PCDHB14: variants seen among roughly 807,000 people sequenced by gnomAD.
The protein encoded by PCDHB14 is protocadherin beta 14, also known as protocadherin beta-14.
For synonymous variants in PCDHB14, 511 were observed against 441.5 expected, an observed-to-expected ratio of 1.16 and a Z score of -1.97; for missense variants, 1,129 against 1,000.5, an observed-to-expected ratio of 1.13 and a Z score of -1.73.
In PCDHB14 at chr5:141,225,976, G is replaced by T. The variant is rs1420156272; in HGVS notation, c.*74G>T. 1.5e-6 allele frequency: 2 copies of T among 1,373,524 alleles called. No individual in the cohort carries two copies. Among genetic ancestry groups the T allele is most frequent in the Non-Finnish European group, 2.0e-6 (2 of 994,554 alleles). The allele number at this position is 1,373,524 out of a possible 1,614,324, so 85.1% of individuals were successfully genotyped here. A position where few individuals can be genotyped will look rare whatever the true frequency, so the allele number is the denominator to read the frequency against. On this transcript the variant is annotated 3_prime_UTR_variant, in exon 1 of 1. Transcript: ENST00000239449. Reference sequence around the variant, plus strand: ...TGGTACTTTTTGCATAATCTTTTGTGGATTCTTGGTTGTACTGTAGTTGCA... The same window carrying T: ...TGGTACTTTTTGCATAATCTTTTGTTGATTCTTGGTTGTACTGTAGTTGCA...
rs371097622 is a variant in PCDHB14 at position 141,224,173 on chromosome 5, C to T, written c.668C>T (p.Ser223Phe). 6.2e-7 allele frequency: 1 copy of T among 1,613,948 alleles called. No individual in the cohort carries two copies. Among genetic ancestry groups the T allele is most frequent in the Non-Finnish European group, 8.5e-7 (1 of 1,180,032 alleles). Residue 223 changes from serine (S) to phenylalanine (F), a missense_variant, in exon 1 of 1, where the codon TCT (serine) becomes TTT (phenylalanine). Coordinates refer to ENST00000239449, the MANE Select transcript of PCDHB14 (RefSeq NM_018934.4). ...TAVDGGSPPKSGTTLVLIKVL... is the reference protein window; with the variant it reads ...TAVDGGSPPKFGTTLVLIKVL... ...GTGGATGGTGGATCCCCGCCCAAGT[C>T]TGGGACAACTTTGGTTCTCATCAAG...
Position 141,227,152 on chromosome 5 carries a change from G to A in PCDHB14, c.*1250G>A, listed in dbSNP as rs1243677891. ...TGGCCTAGTTTTCTTTAAATACACC[G>A]TGTTTACTAGCTTAAATTTTGTGTT... is the stretch of plus-strand genomic sequence containing the variant. On this transcript the variant is annotated 3_prime_UTR_variant, in exon 1 of 1. Transcript: ENST00000239449. The A allele has an allele frequency of 2.6e-5, 4 of 152,180 alleles. No homozygotes were observed. The highest frequency in any genetic ancestry group is 1.9e-4 in the East Asian group (1 of 5,192). 9.4% of individuals were successfully genotyped at this position (152,180 alleles called of 1,614,324 possible).
At position 141,224,460 on chromosome 5, in the gene PCDHB14, A is replaced by G; in HGVS notation, c.955A>G (p.Ile319Val). Residue 319 changes from isoleucine (I) to valine (V), a missense_variant, in exon 1 of 1, where the codon ATT (isoleucine) becomes GTT (valine). Coordinates refer to ENST00000239449, the MANE Select transcript of PCDHB14 (RefSeq NM_018934.4). ...AGTAATACAGTCCTACACTATAAAT[A>G]TTCAGGCAACAGATGGTGGGGGTCT... ...FEVIQSYTIN[I>V]QATDGGGLSG... The G allele has an allele frequency of 6.2e-7, 1 of 1,612,170 alleles. No individual in the cohort carries two copies. The highest frequency in any genetic ancestry group is 8.5e-7 in the Non-Finnish European group (1 of 1,179,268).
Position 141,227,728 on chromosome 5 carries a change from T to C in PCDHB14, c.*1826T>C, listed in dbSNP as rs890122195. 6.6e-6 allele frequency: 1 copy of C among 152,148 alleles called. No individual in the cohort carries two copies. Among genetic ancestry groups the C allele is most frequent in the Non-Finnish European group, 1.5e-5 (1 of 68,004 alleles). 9.4% of individuals were successfully genotyped at this position (152,148 alleles called of 1,614,324 possible). On this transcript the variant is annotated 3_prime_UTR_variant, in exon 1 of 1. Coordinates refer to ENST00000239449, the MANE Select transcript of PCDHB14 (RefSeq NM_018934.4). ...TATTTGTTGTGTGGATTTCTTAAAA[T>C]TGACATTTAAACAATAAAATCCTGA...
At position 141,223,436 on chromosome 5, in the gene PCDHB14, A is replaced by C. The variant is rs782094253; in HGVS notation, c.-70A>C. 6.6e-6 allele frequency: 8 copies of C among 1,210,454 alleles called. No homozygotes were observed. Among genetic ancestry groups the C allele is most frequent in the Non-Finnish European group, 9.4e-6 (8 of 848,066 alleles). 75.0% of individuals were successfully genotyped at this position (1,210,454 alleles called of 1,614,324 possible). On this transcript the variant is annotated 5_prime_UTR_variant, in exon 1 of 1. Transcript: ENST00000239449. ...CACTCTCCAGGGGGTTCCTGTTAAA[A>C]ACCAGAGCTTCAGCTTCCAAAATTA...
rs1353917461 is a variant in PCDHB14 at position 141,224,854 on chromosome 5, C to T, written c.1349C>T (p.Thr450Ile). The T allele has an allele frequency of 8.7e-6, 14 of 1,613,704 alleles. No homozygotes were observed. Among genetic ancestry groups the T allele is most frequent in the African/African-American group, 4.0e-5 (3 of 74,910 alleles). Reference sequence around the variant, plus strand: ...TCTGACGTCAATGACAACGCCCCCACCTTCACCCAAACCTCCTACACCCTG... The same window carrying T: ...TCTGACGTCAATGACAACGCCCCCATCTTCACCCAAACCTCCTACACCCTG... ...LLSDVNDNAP[T>I]FTQTSYTLFV... is the part of the protein sequence containing the mutation. The change falls in exon 1 of 1, where the codon ACC becomes ATC. Residue 450 changes from threonine to isoleucine, a missense_variant. Physicochemically the swap from Thr to Ile is moderately conservative, Grantham distance 89. Transcript: ENST00000239449.
Position 141,225,081 on chromosome 5 carries a change from G to A in PCDHB14, c.1576G>A (p.Glu526Lys). 1.2e-6 allele frequency: 2 copies of A among 1,612,330 alleles called. No individual in the cohort carries two copies. The highest frequency in any genetic ancestry group is 1.1e-5 in the South Asian group (1 of 91,002). ...LRSLDYEALQ[E>K]FEFRVGATDR... Reference sequence around the variant, plus strand: ...GTCGCTGGACTACGAGGCCCTACAGGAGTTCGAGTTTCGCGTGGGCGCCAC... The same window carrying A: ...GTCGCTGGACTACGAGGCCCTACAGAAGTTCGAGTTTCGCGTGGGCGCCAC... Residue 526 changes from glutamate to lysine, a missense_variant, in exon 1 of 1, where the codon GAG becomes AAG. Physicochemically the swap from Glu to Lys is moderately conservative, Grantham distance 56. Coordinates refer to ENST00000239449, the MANE Select transcript of PCDHB14 (RefSeq NM_018934.4).
Position 141,226,800 on chromosome 5 carries a change from T to C in PCDHB14, c.*898T>C, listed in dbSNP as rs1179553172. On this transcript the variant is annotated 3_prime_UTR_variant, in exon 1 of 1. Transcript: ENST00000239449. The stretch of plus-strand genomic sequence containing the variant: ...TTTCCCAGTCTGGTCTGGAACTCCT[T>C]GGCTCAAGCGATCTGCCCGCCTTAG... 1 of 152,320 alleles carries C rather than the reference T, an allele frequency of 6.6e-6. No homozygotes were observed. Among genetic ancestry groups the C allele is most frequent in the East Asian group, 1.9e-4 (1 of 5,204 alleles). 9.4% of individuals were successfully genotyped at this position (152,320 alleles called of 1,614,324 possible). A position where few individuals can be genotyped will look rare whatever the true frequency, so the allele number is the denominator to read the frequency against.
rs1554289739 is a variant in PCDHB14 at position 141,227,558 on chromosome 5, A to G, written c.*1656A>G. 1 of 152,196 alleles carries G rather than the reference A, an allele frequency of 6.6e-6. No individual in the cohort carries two copies. Among genetic ancestry groups the G allele is most frequent in the East Asian group, 1.9e-4 (1 of 5,202 alleles). The allele number at this position is 152,196 out of a possible 1,614,324, so 9.4% of individuals were successfully genotyped here. A position where few individuals can be genotyped will look rare whatever the true frequency, so the allele number is the denominator to read the frequency against. ...TTTTGAAATTGCTCTTACAAGATTA[A>G]ATACTATTATAGACCAGATGATGTA... On this transcript the variant is annotated 3_prime_UTR_variant, in exon 1 of 1. Coordinates refer to ENST00000239449, the MANE Select transcript of PCDHB14 (RefSeq NM_018934.4).
rs1754811024 is a variant in PCDHB14, at chr5:141,224,991, C to T, written c.1486C>T (p.Arg496Trp). Residue 496 changes from arginine (R) to tryptophan (W), a missense_variant, in exon 1 of 1, where the codon CGG becomes TGG. Transcript: ENST00000239449. ...VNYSLLPPQD[R>W]HLPLASLVSI... ...CTACTCGCTGCTGCCGCCCCAGGACCGGCACCTGCCCCTCGCCTCCTTGGT... is the reference window on the plus strand; with the variant it reads ...CTACTCGCTGCTGCCGCCCCAGGACTGGCACCTGCCCCTCGCCTCCTTGGT... 2 of 1,612,620 alleles carry T rather than the reference C, an allele frequency of 1.2e-6. No individual in the cohort carries two copies. Among genetic ancestry groups the T allele is most frequent in the Non-Finnish European group, 1.7e-6 (2 of 1,180,042 alleles).
Position 141,224,477 on chromosome 5 carries a change from TG to T in PCDHB14, c.977del (p.Gly326ValfsTer9), listed in dbSNP as rs1351837342. ...CTATAAATATTCAGGCAACAGATGG[TG>T]GGGGTCTTTCAGGAAAATGCACCCT... ...YTINIQATDG[G>X]GLSGKCTLLV... On this transcript the variant is annotated frameshift_variant, in exon 1 of 1. Transcript: ENST00000239449. LOFTEE classifies it low-confidence loss of function (END_TRUNC). The T allele has an allele frequency of 1.2e-6, 2 of 1,613,190 alleles. No individual in the cohort carries two copies. Among genetic ancestry groups the T allele is most frequent in the Admixed American group, 1.7e-5 (1 of 59,860 alleles).
chr5:141,225,617 G>C lies in PCDHB14; in HGVS notation c.2112G>C (p.Ser704=), dbSNP rs782563810. 1.2e-6 allele frequency: 2 copies of C among 1,612,486 alleles called. No individual in the cohort carries two copies. The highest frequency in any genetic ancestry group is 1.7e-6 in the Non-Finnish European group (2 of 1,179,902). The change falls in exon 1 of 1, where the codon TCG becomes TCC. Residue 704 remains serine, a synonymous_variant. Coordinates refer to ENST00000239449, the MANE Select transcript of PCDHB14 (RefSeq NM_018934.4). ...LASVSSLFLF[S]VLLFVAVRLC... ...CGGTGTCGTCGCTCTTCCTCTTCTCGGTGCTCCTGTTCGTGGCGGTGCGGC... is the reference window on the plus strand; with the variant it reads ...CGGTGTCGTCGCTCTTCCTCTTCTCCGTGCTCCTGTTCGTGGCGGTGCGGC...
rs1223516632 is a variant in PCDHB14, at chr5:141,225,197, G to T, written c.1692G>T (p.Pro564=). 26 of 1,608,418 alleles carry T rather than the reference G, an allele frequency of 1.6e-5. No individual in the cohort carries two copies. Among genetic ancestry groups the T allele is most frequent in the African/African-American group, 5.3e-5 (4 of 74,842 alleles). The change falls in exon 1 of 1, where the codon CCG becomes CCT. Residue 564 remains proline, a synonymous_variant. Transcript: ENST00000239449. ...ANDNSPFVLY[P]LQNGSAPCTE... ...ACAACTCGCCCTTCGTGCTGTACCC[G>T]CTGCAGAACGGCTCCGCGCCCTGCA...
chr5:141,224,317 C>A lies in PCDHB14; in HGVS notation c.812C>A (p.Ala271Glu). Residue 271 changes from alanine (A) to glutamate (E), a missense_variant, in exon 1 of 1, where the codon GCA (alanine) becomes GAA (glutamate). Ala to Glu is a moderately radical substitution (Grantham distance 107, BLOSUM62 -1). Coordinates refer to ENST00000239449, the MANE Select transcript of PCDHB14 (RefSeq NM_018934.4). ...IATISAKDLD[A>E]GNYGKISYTF... ...ACCATCTCAGCTAAGGATCTGGATGCAGGAAACTATGGAAAAATATCTTAC... is the reference window on the plus strand; with the variant it reads ...ACCATCTCAGCTAAGGATCTGGATGAAGGAAACTATGGAAAAATATCTTAC... 5 of 1,613,874 alleles carry A rather than the reference C, an allele frequency of 3.1e-6. No individual in the cohort carries two copies. The highest frequency in any genetic ancestry group is 4.2e-6 in the Non-Finnish European group (5 of 1,179,916).
rs782269091 is a variant in PCDHB14, at chr5:141,226,067, C to T, written c.*165C>T. The stretch of plus-strand genomic sequence containing the variant: ...AAATCTTTATTAGTGGCTATAATGA[C>T]GTGGAAATGTAATCTGTGTTTTCTG... On this transcript the variant is annotated 3_prime_UTR_variant, in exon 1 of 1. Coordinates refer to ENST00000239449, the MANE Select transcript of PCDHB14 (RefSeq NM_018934.4). 2.3e-5 allele frequency: 15 copies of T among 657,850 alleles called. No individual in the cohort carries two copies. Among genetic ancestry groups the T allele is most frequent in the African/African-American group, 3.7e-5 (2 of 54,578 alleles). The allele number at this position is 657,850 out of a possible 1,614,324, so 40.8% of individuals were successfully genotyped here.
rs1310907174 is a variant in PCDHB14 at position 141,223,842 on chromosome 5, C to G, written c.337C>G (p.Pro113Ala). ...VLHFQVVLEN[P>A]LQFFRFELCV... ...GCATTTTCAGGTGGTTTTGGAAAACCCTTTACAGTTTTTTCGGTTTGAGCT... is the reference window on the plus strand; with the variant it reads ...GCATTTTCAGGTGGTTTTGGAAAACGCTTTACAGTTTTTTCGGTTTGAGCT... The change falls in exon 1 of 1, where the codon CCT (proline) becomes GCT (alanine). Residue 113 changes from proline to alanine, a missense_variant. By Grantham distance (27) the Pro-to-Ala change is conservative. Coordinates refer to ENST00000239449, the MANE Select transcript of PCDHB14 (RefSeq NM_018934.4). 3.1e-6 allele frequency: 5 copies of G among 1,612,858 alleles called. No individual in the cohort carries two copies. The highest frequency in any genetic ancestry group is 4.5e-5 in the East Asian group (2 of 44,842).
chr5:141,223,672 TG>T lies in PCDHB14; in HGVS notation c.169del (p.Glu57ArgfsTer10). 6.2e-7 allele frequency: 1 copy of T among 1,613,556 alleles called. No homozygotes were observed. The highest frequency in any genetic ancestry group is 1.1e-5 in the South Asian group (1 of 91,018). ...CTAGCGAGGGACCTAGGGCTGGGGG[TG>T]GAGGAGCTGTCTTCACGTGAAGCCC... The part of the protein sequence containing the change: ...ANLARDLGLG[V>X]EELSSREARV... On this transcript the variant is annotated frameshift_variant, in exon 1 of 1. Coordinates refer to ENST00000239449, the MANE Select transcript of PCDHB14 (RefSeq NM_018934.4). LOFTEE classifies it low-confidence loss of function (END_TRUNC).
At position 141,224,350 on chromosome 5, in the gene PCDHB14, T is replaced by C. The variant is rs551460821; in HGVS notation, c.845T>C (p.Phe282Ser). 37 of 1,611,518 alleles carry C rather than the reference T, an allele frequency of 2.3e-5. No homozygotes were observed. Among genetic ancestry groups the C allele is most frequent in the African/African-American group, 2.7e-5 (2 of 74,832 alleles). ...TATGGAAAAATATCTTACACATTTT[T>C]CCATGCATCAGAAGATATTCGTAAA... Reference protein sequence around the residue: ...GNYGKISYTFFHASEDIRKTF... With the variant: ...GNYGKISYTFSHASEDIRKTF... The change falls in exon 1 of 1, where the codon TTC becomes TCC. Residue 282 changes from phenylalanine (F) to serine (S), a missense_variant. Transcript: ENST00000239449.
Position 141,224,990 on chromosome 5 carries a change from C to T in PCDHB14, c.1485C>T (p.Asp495=), listed in dbSNP as rs782353911. Residue 495 remains aspartate (D), a synonymous_variant, in exon 1 of 1, where the codon GAC becomes GAT. Coordinates refer to ENST00000239449, the MANE Select transcript of PCDHB14 (RefSeq NM_018934.4). The stretch of plus-strand genomic sequence containing the variant: ...ACTACTCGCTGCTGCCGCCCCAGGA[C>T]CGGCACCTGCCCCTCGCCTCCTTGG... ...QVNYSLLPPQ[D]RHLPLASLVS... is the part of the protein sequence containing the mutation. The T allele has an allele frequency of 3.7e-6, 6 of 1,612,508 alleles. No homozygotes were observed. Among genetic ancestry groups the T allele is most frequent in the Non-Finnish European group, 5.1e-6 (6 of 1,180,048 alleles).
Sources: allele counts gnomAD v4.1 joint callset, GRCh38; gene constraint gnomAD v4.1.1; transcripts MANE v1.5; gene names NCBI Gene and HGNC (gene_info 2026-07-23, HGNC 2026-07-21).